The following ALLC variants were observed in gnomAD, a reference collection of about 807,000 sequenced individuals.
ALLC encodes the protein probable inactive allantoicase.
In ALLC, 40 loss-of-function variants were observed where a neutral mutation model predicts 45.0. The observed-to-expected ratio is 0.89, with a 90% CI of 0.69 to 1.16. ALLC has a LOEUF of 1.16. Among genes scored for constraint, ALLC ranks in the 50% most tolerant of loss-of-function variants. The pLI, the probability that ALLC is intolerant of heterozygous loss-of-function variation, is 0.00. For synonymous variants in ALLC, 176 were observed against 178.1 expected (o/e 0.99, Z 0.09); for missense variants, 488 against 493.1 (o/e 0.99, Z 0.10).
At chr2:3,678,373 C>T in intron 3 of ALLC, 95 bp from the exon 4 acceptor site, 2 of 1,069,112 alleles carry the variant, frequency 1.9e-6, no homozygotes. Context: ...CCGGTTTGCA[C>T]CGTTCCTCTG....
chr2:3,669,770 C>T (rs533681578), intron 1 of ALLC, among the ~76,000 whole-genome samples: 5 of 152,160 alleles, frequency 3.3e-5, no homozygotes, highest in Non-Finnish European at 5.9e-5. Context: ...TTTGCTGGAG[C>T]GACCAGGAGG....
At chr2:3,690,729 G>A (rs1486063873) in intron 7 of ALLC, among the ~76,000 whole-genome samples, 1 of 151,132 alleles carries the variant, frequency 6.6e-6, no homozygotes, top group Admixed American at 6.6e-5. Context: ...TTGACTTCAT[G>A]TTGTCTCAAT....
intron 2 of ALLC, among the ~76,000 whole-genome samples, chr2:3,673,564 A>G (rs1666948123): frequency 6.6e-6 from 1 of 152,190 alleles, no homozygotes; most frequent in African/African-American, 2.4e-5. Flanking sequence ...TTGCTCAGGA[A>G]AATCTGATTT....
intron 1 of ALLC, among the ~76,000 whole-genome samples, chr2:3,662,429 G>A (rs1039085129): frequency 6.6e-6 from 1 of 152,202 alleles, no homozygotes; most frequent in African/African-American, 2.4e-5. Flanking sequence ...GGGCGGAAGT[G>A]TTTACGCCAA....
At chr2:3,685,366 A>G (rs1348007102) in intron 7 of ALLC, among the ~76,000 whole-genome samples, 1 of 150,916 alleles carries the variant, frequency 6.6e-6, no homozygotes, top group Non-Finnish European at 1.5e-5. Flanking sequence ...AGGCCTCAGG[A>G]AACTTACAAT....
chr2:3,685,472 A>G (rs1019318696), intron 7 of ALLC, among the ~76,000 whole-genome samples: 1 of 150,782 alleles, frequency 6.6e-6, no homozygotes, highest in African/African-American at 2.4e-5. Context: ...ACAGAGACAG[A>G]CAGACAGAGA....
chr2:3,662,598 T>C (rs1246213374), intron 1 of ALLC, among the ~76,000 whole-genome samples: 1 of 152,256 alleles, frequency 6.6e-6, no homozygotes, highest in Admixed American at 6.5e-5. Context: ...TTTTTTTATA[T>C]ATAATTTTTA....
chr2:3,683,531 CA>C (rs1667253084), intron 7 of ALLC, among the ~76,000 whole-genome samples: 1 of 152,198 alleles, frequency 6.6e-6, no homozygotes, highest in South Asian at 2.1e-4. Context: ...AAAGAAACCC[CA>C]TATCCTTTAG....
rs1374815962 is a variant in ALLC at position 3,681,493 on chromosome 2, C to T, written c.299-141C>T. ...TATTGAGGAACTTCAACAAGTGTGTCTATTACTTTGATCATTTGATACTTC... is the reference window on the plus strand; with the variant it reads ...TATTGAGGAACTTCAACAAGTGTGTTTATTACTTTGATCATTTGATACTTC... On this transcript the variant is annotated intron_variant, in intron 5 of 11. Transcript: ENST00000252505. 3 of 565,670 alleles carry T rather than the reference C, an allele frequency of 5.3e-6. No individual in the cohort carries two copies. The African/African-American group carries it at 5.7e-5, about 11-fold the overall frequency. The allele number at this position is 565,670 out of a possible 1,614,324, so 35.0% of individuals were successfully genotyped here.
At chr2:3,652,489 G>C in the ALLC span, among the ~76,000 whole-genome samples, 13 of 152,140 alleles carry the variant, frequency 8.5e-5, no homozygotes, top group African/African-American at 2.9e-4. Context: ...TCTATGGTGG[G>C]AAGAAAATGT....
intron 1 of ALLC, among the ~76,000 whole-genome samples, chr2:3,669,604 C>G (rs569274482): frequency 6.6e-6 from 1 of 150,530 alleles, no homozygotes; most frequent in African/African-American, 2.4e-5. Context: ...GCCGAGATTG[C>G]GCCGCTGCAC....
At chr2:3,655,455 G>A (rs552216319), upstream of ALLC, among the ~76,000 whole-genome samples, 1 of 150,558 alleles carries the variant, frequency 6.6e-6, no homozygotes, top group African/African-American at 2.5e-5. Flanking sequence ...GGAATGACTA[G>A]TTTGTTTGTT....
chr2:3,660,272 A>C (rs1479497068), intron 1 of ALLC, among the ~76,000 whole-genome samples: 2 of 151,974 alleles, frequency 1.3e-5, no homozygotes, highest in East Asian at 3.9e-4. Flanking sequence ...TTCACTTCCT[A>C]CCAGGAGTGG....
chr2:3,649,964 A>G, the ALLC span, among the ~76,000 whole-genome samples: 1 of 152,242 alleles, frequency 6.6e-6, no homozygotes, highest in East Asian at 1.9e-4. Flanking sequence ...TAGCTTCCCC[A>G]GCTACAGCTG....
At chr2:3,698,216 C>T (rs754592406) in intron 10 of ALLC, among the ~76,000 whole-genome samples, 4 of 152,288 alleles carry the variant, frequency 2.6e-5, no homozygotes, top group East Asian at 1.9e-4. Flanking sequence ...ACGCCCGTCT[C>T]GGCCTCCCAA....
intron 7 of ALLC, chr2:3,688,182 A>AG (rs1311697715): frequency 4.7e-5 from 8 of 169,392 alleles, no homozygotes; most frequent in East Asian, 1.9e-4. Context: ...GATGCCCTTG[A>AG]GGGGGCCCTC....
intron 2 of ALLC, among the ~76,000 whole-genome samples, chr2:3,671,675 T>G (rs1319233959): frequency 6.6e-6 from 1 of 151,002 alleles, no homozygotes; most frequent in Non-Finnish European, 1.5e-5. Context: ...CTGGCTCTAT[T>G]TAGATCCGAG....
At chr2:3,658,737 G>A (rs1159422674) in intron 1 of ALLC, among the ~76,000 whole-genome samples, 1 of 152,028 alleles carries the variant, frequency 6.6e-6, no homozygotes, top group Non-Finnish European at 1.5e-5. Flanking sequence ...GCATGGTGGT[G>A]CGTGCCTGTG....
chr2:3,692,332 A>G (rs770472278), intron 7 of ALLC, among the ~76,000 whole-genome samples: 3 of 152,234 alleles, frequency 2.0e-5, no homozygotes, highest in Non-Finnish European at 4.4e-5. Flanking sequence ...TGGGCCACAC[A>G]TAAAATGCCC....
Sources: gnomAD v4.1 joint callset for allele counts (sites outside exome capture counted in the v4.1 genomes callset) on GRCh38, gnomAD v4.1.1 for gene constraint, MANE v1.5 for transcripts, NCBI Gene and HGNC (gene_info 2026-07-23, HGNC 2026-07-21) for gene names.